Variants in MPRIP observed in about 807,000 individuals in gnomAD.
The protein encoded by MPRIP is myosin phosphatase Rho-interacting protein.
A neutral mutation model predicts 234.9 loss-of-function variants in MPRIP; 59 were observed. The ratio of observed to expected loss-of-function variants is 0.25; its 90% CI spans 0.20 to 0.31. The LOEUF (loss-of-function observed/expected upper bound fraction) is 0.31. Ranked by LOEUF, MPRIP falls within the 10% of genes least tolerant of loss-of-function variation. MPRIP has a pLI of 1.00. For missense variants in MPRIP, 2,436 were observed against 3,071.0 expected (o/e 0.79, Z 4.89); for synonymous variants, 1,144 against 1,263.9 (o/e 0.91, Z 2.01).
intron 23 of MPRIP, chr17:17,182,604 G>C (rs1043954655): frequency 6.6e-6 from 1 of 152,278 alleles, no homozygotes; most frequent in Non-Finnish European, 1.5e-5. Flanking sequence ...ATAACGTAGG[G>C]GATTTCACTT....
chr17:17,192,448 CGT>C lies in MPRIP; in HGVS notation c.*7555_*7556del, dbSNP rs2046613650. 1 of 24,268 alleles carries C rather than the reference CGT, an allele frequency of 4.1e-5. No individual in the cohort carries two copies. Among genetic ancestry groups the C allele is most frequent in the Non-Finnish European group, 8.8e-5 (1 of 11,318 alleles). The allele number at this position is 24,268 out of a possible 1,614,324, so 1.5% of individuals were successfully genotyped here. On this transcript the variant is annotated 3_prime_UTR_variant, in exon 24 of 24. Coordinates refer to ENST00000651222, the MANE Select transcript of MPRIP (RefSeq NM_001364716.4). The stretch of plus-strand genomic sequence containing the variant: ...TTTTTGGGGGGGGGGGGGGGAGGGG[CGT>C]CTTGAGGCTTTTTTTTTTTTTACAA...
intron 7 of MPRIP, among the ~76,000 whole-genome samples, chr17:17,139,659 T>C (rs2090773381): frequency 1.3e-5 from 2 of 152,304 alleles, no homozygotes; most frequent in Middle Eastern, 6.8e-3. Context: ...CCCCCTTTTC[T>C]TCTGAGCACC....
rs539202194 is a variant in MPRIP, at chr17:17,162,890, G to T, written c.2518-1219G>T. 3.3e-5 allele frequency among the ~76,000 whole-genome samples: 5 copies of T among 152,300 alleles called. No homozygotes were observed. In the East Asian group the frequency reaches 7.7e-4, roughly 23 times the overall value. On this transcript the variant is annotated intron_variant, in intron 15 of 23. Transcript: ENST00000651222. ...TTCTTGTCCCAAGTATTTTGGATAA[G>T]GGATACTCAACTTGTACTAAGCAGC... is the stretch of plus-strand genomic sequence containing the variant.
chr17:17,186,011 GA>G lies in MPRIP; in HGVS notation c.*1119del, dbSNP rs2046468532. 6.5e-6 allele frequency: 1 copy of G among 154,794 alleles called. No individual in the cohort carries two copies. The highest frequency in any genetic ancestry group is 2.4e-5 in the African/African-American group (1 of 41,404). The allele number at this position is 154,794 out of a possible 1,614,324, so 9.6% of individuals were successfully genotyped here. ...ATTTTGCTTTTTCTAACAGTTTGAG[GA>G]AGACCTTTTTAACCACCACAAAACA... is the stretch of plus-strand genomic sequence containing the variant. On this transcript the variant is annotated 3_prime_UTR_variant, in exon 24 of 24. Transcript: ENST00000651222.
In MPRIP at chr17:17,167,737, C is replaced by T; in HGVS notation, c.6146C>T (p.Pro2049Leu). The T allele has an allele frequency of 7.7e-7, 1 of 1,304,254 alleles. No homozygotes were observed. Among genetic ancestry groups the T allele is most frequent in the South Asian group, 1.2e-5 (1 of 81,022 alleles). 80.8% of individuals were successfully genotyped at this position (1,304,254 alleles called of 1,614,324 possible). ...CCACACCCCAAGGCCCTGCCAGCCC[C>T]TGCCCCCAACTGGCAGGCCACCCAG... ...QGPHPKALPAPAPNWQATQGE... is the reference protein window; with the variant it reads ...QGPHPKALPALAPNWQATQGE... Residue 2049 changes from proline to leucine, a missense_variant, in exon 16 of 24, where the codon CCT becomes CTT. Coordinates refer to ENST00000651222, the MANE Select transcript of MPRIP (RefSeq NM_001364716.4). The surrounding 1 kb of genome is among the most constrained non-coding windows in gnomAD (Gnocchi z 5.9).
intron 12 of MPRIP, among the ~76,000 whole-genome samples, chr17:17,151,335 T>C (rs535206088): frequency 6.6e-6 from 1 of 152,278 alleles, no homozygotes; most frequent in African/African-American, 2.4e-5. Context: ...GGGAGAGCCA[T>C]GTGGAGTAGA....
rs1205457313 is a variant in MPRIP at position 17,167,448 on chromosome 17, C to T, written c.5857C>T (p.Arg1953Trp). ...GCGGGGCAGGTATGAGGAGGAGATT[C>T]GGTGTGTGGTGGAGCAGCTGACCAG... The part of the protein sequence containing the change: ...TLRGRYEEEI[R>W]CVVEQLTRTE... The change falls in exon 16 of 24, where the codon CGG (arginine) becomes TGG (tryptophan). Residue 1953 changes from arginine (R) to tryptophan (W), a missense_variant. Around this residue, in one of 4 missense-constraint regions of MPRIP, gnomAD observed 1,998 missense variants for 2,520.3 expected, o/e 0.79. Coordinates refer to ENST00000651222, the MANE Select transcript of MPRIP (RefSeq NM_001364716.4). The surrounding 1 kb of genome is among the most constrained non-coding windows in gnomAD (Gnocchi z 5.9). 14 of 1,304,044 alleles carry T rather than the reference C, an allele frequency of 1.1e-5. No homozygotes were observed. Among genetic ancestry groups the T allele is most frequent in the South Asian group, 7.4e-5 (6 of 81,032 alleles). The allele number at this position is 1,304,044 out of a possible 1,614,324, so 80.8% of individuals were successfully genotyped here. A position where few individuals can be genotyped will look rare whatever the true frequency, so the allele number is the denominator to read the frequency against.
intron 3 of MPRIP, among the ~76,000 whole-genome samples, chr17:17,096,271 GGTGTGTGT>G (rs1017386533): frequency 6.8e-6 from 1 of 147,816 alleles, no homozygotes; most frequent in South Asian, 2.2e-4. Flanking sequence ...TGCTTGGCAG[GGTGTGTGT>G]GTGTGCAGGG....
chr17:17,160,134 C>T (rs1206795697), intron 14 of MPRIP, among the ~76,000 whole-genome samples: 1 of 152,022 alleles, frequency 6.6e-6, no homozygotes, highest in Non-Finnish European at 1.5e-5. Context: ...TTTGGGAGGC[C>T]GAGGCGGGCG....
chr17:17,130,385 C>T (rs1237117229), intron 4 of MPRIP, among the ~76,000 whole-genome samples: 1 of 151,866 alleles, frequency 6.6e-6, no homozygotes, highest in South Asian at 2.1e-4. Context: ...TCCTCCTCCC[C>T]TCCCTCCCTC....
chr17:17,077,722 T>C (rs1458086354), intron 2 of MPRIP: 1 of 391,726 alleles, frequency 2.6e-6, no homozygotes, highest in African/African-American at 2.1e-5. Flanking sequence ...AACCACACGT[T>C]GTTTCTGCTC....
rs1424203030 is a variant in MPRIP, at chr17:17,138,177, C to G, written c.998C>G (p.Ser333Cys). Residue 333 changes from serine to cysteine, a missense_variant, in exon 7 of 24, where the codon TCC (serine) becomes TGC (cysteine). Physicochemically the swap from Ser to Cys is moderately radical, Grantham distance 112. Transcript: ENST00000651222. The surrounding 1 kb of genome is among the most constrained non-coding windows in gnomAD (Gnocchi z 5.8). ...ATGGTCTGCAGCATCTCCCTCAGCT[C>G]CCTGGATGTGGCCAGCCAGCCACCT... is the stretch of plus-strand genomic sequence containing the variant. ...HQMVCSISLS[S>C]LDVASQPPAY... The G allele has an allele frequency of 8.9e-7, 1 of 1,119,504 alleles. No homozygotes were observed. Among genetic ancestry groups the G allele is most frequent in the Non-Finnish European group, 1.3e-6 (1 of 797,714 alleles). The allele number at this position is 1,119,504 out of a possible 1,614,324, so 69.3% of individuals were successfully genotyped here.
intron 1 of MPRIP, among the ~76,000 whole-genome samples, chr17:17,065,911 A>AT (rs1205775467): frequency 6.6e-6 from 1 of 151,978 alleles, no homozygotes; most frequent in Admixed American, 6.6e-5. Context: ...TTTTGAAGCA[A>AT]TTTTAAGTGG....
At chr17:17,153,520 T>C (rs2045654722) in intron 12 of MPRIP, among the ~76,000 whole-genome samples, 1 of 151,640 alleles carries the variant, frequency 6.6e-6, no homozygotes, top group African/African-American at 2.4e-5. Flanking sequence ...CATGTGCTCT[T>C]TGCTGCTTTG....
chr17:17,049,289 A>G (rs545626907), intron 1 of MPRIP, among the ~76,000 whole-genome samples: 1 of 152,318 alleles, frequency 6.6e-6, no homozygotes, highest in Admixed American at 6.5e-5. Flanking sequence ...GCCTTGTGAA[A>G]TGTACTAAAT....
chr17:17,149,891 G>T, intron 11 of MPRIP: 1 of 326,094 alleles, frequency 3.1e-6, no homozygotes, highest in East Asian at 6.0e-5. Flanking sequence ...AGTGTGAAGG[G>T]ATTTCAACAG....
chr17:17,123,389 C>A (rs1459568442), intron 3 of MPRIP, among the ~76,000 whole-genome samples: 1 of 152,086 alleles, frequency 6.6e-6, no homozygotes, highest in Non-Finnish European at 1.5e-5. Context: ...AGGCCAGGGG[C>A]GGTGGCTTCG....
intron 9 of MPRIP, 140 bp downstream of exon 9, chr17:17,143,809 A>G (rs1020415241): frequency 2.6e-5 from 12 of 456,146 alleles, no homozygotes; most frequent in Middle Eastern, 8.7e-4. Context: ...ACCCCCACCC[A>G]CCGACCCACA....
chr17:17,177,634 A>G (rs1233202183), intron 22 of MPRIP, among the ~76,000 whole-genome samples: 1 of 152,170 alleles, frequency 6.6e-6, no homozygotes, highest in Non-Finnish European at 1.5e-5. Flanking sequence ...TCTAGGGAGA[A>G]CCCATAGTAT....
Sources: allele counts gnomAD v4.1 joint callset (sites outside exome capture counted in the v4.1 genomes callset), GRCh38; gene constraint gnomAD v4.1.1; regional missense constraint gnomAD v4.1.1; non-coding constraint Gnocchi (gnomAD v3.1); transcripts MANE v1.5; gene names NCBI Gene and HGNC (gene_info 2026-07-23, HGNC 2026-07-21).